Variants in FOXO3 observed in about 807,000 individuals in gnomAD.
FOXO3 encodes the protein forkhead box O3, also known as forkhead box protein O3.
A neutral mutation model predicts 41.9 loss-of-function variants in FOXO3; 4 were observed. The ratio of observed to expected loss-of-function variants is 0.10; its 90% confidence interval spans 0.05 to 0.22. FOXO3 has a LOEUF of 0.22. Among genes scored for constraint, FOXO3 ranks in the 10% least tolerant of loss-of-function variants. The probability of loss-of-function intolerance (pLI) is 1.00; values close to 1 mark genes in which losing one functional copy is unlikely to be tolerated. For missense variants in FOXO3, 534 were observed against 906.8 expected (o/e 0.59, Z 5.28); for synonymous variants, 318 against 389.3 (o/e 0.82, Z 2.16).
intron 1 of FOXO3, among the ~76,000 whole-genome samples, chr6:108,642,485 T>C (rs1188803311): frequency 1.3e-5 from 2 of 152,104 alleles, no homozygotes; most frequent in African/African-American, 4.8e-5. Flanking sequence ...ATCAGGATAA[T>C]ATGCAGGATA....
At position 108,669,537 on chromosome 6, in the gene FOXO3, A is replaced by G. The variant is rs546217424; in HGVS notation, c.*34+4648A>G. Among the ~76,000 whole-genome samples, 21 of 152,332 alleles carry G rather than the reference A, an allele frequency of 1.4e-4. No individual in the cohort carries two copies. The South Asian group carries it at 3.3e-3, about 24-fold the overall frequency. On this transcript the variant is annotated intron_variant, in intron 2 of 2. Transcript: ENST00000406360. ...GTACCTATGACTATAGTCTTCGGTT[A>G]TAGTATGCTAGCCTGAAGAATTCTG...
chr6:108,668,514 G>A (rs1309898420), intron 2 of FOXO3, among the ~76,000 whole-genome samples: 1 of 152,180 alleles, frequency 6.6e-6, no homozygotes, highest in Non-Finnish European at 1.5e-5. Context: ...GCCTTCTTGA[G>A]TTCGACATGT....
chr6:108,643,596 G>A, intron 1 of FOXO3, among the ~76,000 whole-genome samples: 1 of 152,184 alleles, frequency 6.6e-6, no homozygotes, highest in East Asian at 1.9e-4. Flanking sequence ...TGAGAGGGCT[G>A]TTCAGTGGCA....
At chr6:108,577,133 CA>C (rs1776284260) in intron 1 of FOXO3, among the ~76,000 whole-genome samples, 1 of 151,880 alleles carries the variant, frequency 6.6e-6, no homozygotes, top group African/African-American at 2.4e-5. Context: ...TATATGATTT[CA>C]AAGTTGAACC....
Position 108,663,847 on chromosome 6 carries a change from C to G in FOXO3, c.1014C>G (p.Asp338Glu). ...GCACAGAGTTGGATGAAGTCCAGGA[C>G]GATGATGCGCCTCTCTCGCCCATGC... ...MASTELDEVQ[D>E]DDAPLSPMLY... Residue 338 changes from aspartate (D) to glutamate (E), a missense_variant, in exon 2 of 3, where the codon GAC becomes GAG. By Grantham distance (45) the Asp-to-Glu change is conservative. Around this residue, in one of 8 missense-constraint regions of FOXO3, gnomAD observed 185 missense variants for 224.9 expected, o/e 0.82. Coordinates refer to ENST00000406360, the MANE Select transcript of FOXO3 (RefSeq NM_001455.4). 1 of 1,613,862 alleles carries G rather than the reference C, an allele frequency of 6.2e-7. No homozygotes were observed. Among genetic ancestry groups the G allele is most frequent in the South Asian group, 1.1e-5 (1 of 91,060 alleles).
chr6:108,561,142 G>T lies in FOXO3; in HGVS notation c.-67G>T. ...TTCGCGGCGTCCACGTCCCTCCCCC[G>T]CTGCACCCCGCCCCGGCGCGAGAGG... On this transcript the variant is annotated 5_prime_UTR_variant, in exon 1 of 3. Transcript: ENST00000406360. The T allele has an allele frequency of 6.7e-7, 1 of 1,484,488 alleles. No individual in the cohort carries two copies. The highest frequency in any genetic ancestry group is 1.3e-5 in the South Asian group (1 of 76,656). 92.0% of individuals were successfully genotyped at this position (1,484,488 alleles called of 1,614,324 possible). A position where few individuals can be genotyped will look rare whatever the true frequency, so the allele number is the denominator to read the frequency against.
At chr6:108,627,922 A>C (rs561039022) in intron 1 of FOXO3, among the ~76,000 whole-genome samples, 57 of 152,314 alleles carry the variant, frequency 3.7e-4, no homozygotes, top group Admixed American at 7.2e-4. Context: ...CTGTTGTGAG[A>C]ATTAAATGAG....
chr6:108,562,278 C>T (rs1260306447), intron 1 of FOXO3, among the ~76,000 whole-genome samples: 2 of 151,924 alleles, frequency 1.3e-5, no homozygotes, highest in Admixed American at 6.6e-5. Context: ...GGTTTCCAGT[C>T]TGTCGCAGGA....
At chr6:108,585,022 CTTTTTTTTTTTTTTTTT>C (rs1159028928) in intron 1 of FOXO3, among the ~76,000 whole-genome samples, 1 of 51,520 alleles carries the variant, frequency 1.9e-5, no homozygotes, top group African/African-American at 8.2e-5. Context: ...TCTCCAAAAT[CTTTTTTTTTTTTTTTTT>C]TTTTTTTTTT....
chr6:108,603,948 C>T (rs1166270877), intron 1 of FOXO3, among the ~76,000 whole-genome samples: 1 of 151,932 alleles, frequency 6.6e-6, no homozygotes, highest in Non-Finnish European at 1.5e-5. Context: ...ATCTATAGGT[C>T]CAGGAATTCC....
intron 1 of FOXO3, among the ~76,000 whole-genome samples, chr6:108,653,428 C>G (rs988209633): frequency 1.3e-5 from 2 of 152,158 alleles, no homozygotes; most frequent in African/African-American, 4.8e-5. Context: ...TACTAATGTT[C>G]TCTTTCTGGG....
At chr6:108,601,514 G>A (rs988080310) in intron 1 of FOXO3, among the ~76,000 whole-genome samples, 1 of 152,074 alleles carries the variant, frequency 6.6e-6, no homozygotes, top group Admixed American at 6.5e-5. Flanking sequence ...ATGTTGGCCA[G>A]GCTGGTCTTA....
At chr6:108,653,186 G>T (rs193192611) in intron 1 of FOXO3, among the ~76,000 whole-genome samples, 1 of 152,114 alleles carries the variant, frequency 6.6e-6, no homozygotes, top group Non-Finnish European at 1.5e-5. Flanking sequence ...ACATTCTTTG[G>T]TCTCAATGTT....
intron 1 of FOXO3, among the ~76,000 whole-genome samples, chr6:108,609,810 G>A (rs1198712627): frequency 6.6e-6 from 1 of 152,174 alleles, no homozygotes; most frequent in African/African-American, 2.4e-5. Flanking sequence ...GACTTTACAC[G>A]TATGAATATG....
intron 1 of FOXO3, among the ~76,000 whole-genome samples, chr6:108,584,921 G>A (rs1297392131): frequency 6.6e-6 from 1 of 151,288 alleles, no homozygotes; most frequent in African/African-American, 2.4e-5. Context: ...ATGGTAGCCT[G>A]CACAGGGTGG....
intron 1 of FOXO3, among the ~76,000 whole-genome samples, chr6:108,566,555 T>C (rs1033374419): frequency 3.9e-5 from 6 of 152,260 alleles, no homozygotes; most frequent in African/African-American, 1.4e-4. Flanking sequence ...CTTGGGCACA[T>C]AGCAAAACCC....
chr6:108,590,092 G>A (rs961116941), intron 1 of FOXO3, among the ~76,000 whole-genome samples: 2 of 151,742 alleles, frequency 1.3e-5, no homozygotes, highest in Non-Finnish European at 2.9e-5. Flanking sequence ...GCTGTATAAA[G>A]TTAAATATGA....
intron 2 of FOXO3, among the ~76,000 whole-genome samples, chr6:108,674,519 C>T (rs1241028525): frequency 1.3e-5 from 2 of 152,130 alleles, no homozygotes; most frequent in African/African-American, 2.4e-5. Context: ...ATGTTAGGAG[C>T]TCAAAGTCCC....
At chr6:108,604,026 A>T (rs1777123991) in intron 1 of FOXO3, among the ~76,000 whole-genome samples, 1 of 152,174 alleles carries the variant, frequency 6.6e-6, no homozygotes, top group Admixed American at 6.5e-5. Flanking sequence ...ATAATATGGT[A>T]TTGAGGATGA....
Sources: allele counts gnomAD v4.1 joint callset (sites outside exome capture counted in the v4.1 genomes callset), GRCh38; gene constraint gnomAD v4.1.1; regional missense constraint gnomAD v4.1.1; transcripts MANE v1.5; gene names NCBI Gene and HGNC (gene_info 2026-07-23, HGNC 2026-07-21).